Variants in AMPD1 observed in about 807,000 individuals in gnomAD.
AMPD1 encodes AMP deaminase 1.
A neutral mutation model predicts 82.9 loss-of-function variants in AMPD1; 74 were observed. That is an observed-to-expected ratio of 0.89 (90% CI 0.74 to 1.08). AMPD1 has a LOEUF of 1.08. AMPD1 is among the 50% of genes least tolerant of loss of function. The pLI is 0.00. For synonymous variants in AMPD1, 333 were observed against 320.5 expected (o/e 1.04, Z -0.42); for missense variants, 881 against 924.5 (o/e 0.95, Z 0.61).
At position 114,686,791 on chromosome 1, in the gene AMPD1, A is replaced by G; in HGVS notation, c.335T>C (p.Val112Ala). 6.2e-7 allele frequency: 1 copy of G among 1,614,156 alleles called. No individual in the cohort carries two copies. The highest frequency in any genetic ancestry group is 8.5e-7 in the Non-Finnish European group (1 of 1,179,994). ...YISSSPTYQTVPDFQRVQITG... is the reference protein window; with the variant it reads ...YISSSPTYQTAPDFQRVQITG... Reference sequence around the variant, plus strand: ...AATCTGCACTCTCTGAAAATCAGGCACGGTCTGGTAGGTTGGAGATGAGGA... The same window carrying G: ...AATCTGCACTCTCTGAAAATCAGGCGCGGTCTGGTAGGTTGGAGATGAGGA... Residue 112 changes from valine to alanine, a missense_variant, in exon 4 of 16, where the codon GTG (valine) becomes GCG (alanine). Around this residue, in one of 2 missense-constraint regions of AMPD1, gnomAD observed 783 missense variants for 786.4 expected, o/e 1.00. Coordinates refer to ENST00000520113, the MANE Select transcript of AMPD1 (RefSeq NM_000036.3).
Position 114,686,958 on chromosome 1 carries a change from G to A in AMPD1, c.216-48C>T, listed in dbSNP as rs139585917. 2.4e-4 allele frequency: 376 copies of A among 1,577,216 alleles called. No homozygotes were observed. The African/African-American group carries it at 3.5e-3, about 15-fold the overall frequency. On this transcript the variant is annotated intron_variant, in intron 3 of 15. Transcript: ENST00000520113. ...AGAGTTAATTTTGTCTTCATCAGGC[G>A]TTTCATTGTGATAGATAGATGTTTC...
At chr1:114,682,703 G>T (rs558973459) in intron 5 of AMPD1, among the ~76,000 whole-genome samples, 3 of 151,520 alleles carry the variant, frequency 2.0e-5, no homozygotes, top group Non-Finnish European at 2.9e-5. Flanking sequence ...CTCAGCCTCC[G>T]GAGTAGCTGG....
rs569520455 is a variant in AMPD1 at position 114,680,300 on chromosome 1, G to T, written c.726C>A (p.Asp242Glu). 1.9e-6 allele frequency: 3 copies of T among 1,614,076 alleles called. No individual in the cohort carries two copies. The highest frequency in any genetic ancestry group is 1.3e-5 in the African/African-American group (1 of 75,014). The change falls in exon 6 of 16, where the codon GAC becomes GAA. Residue 242 changes from aspartate (D) to glutamate (E), a missense_variant. Asp to Glu is a conservative substitution (Grantham distance 45). This residue lies in a region of AMPD1 where 783 missense variants were observed against 786.4 expected (regional missense o/e 1.00). Transcript: ENST00000520113. ...TTAAAGCAAGTAAAAAATTCATATC[G>T]TCTAAGAAGGTGTCCAGATTTGGGT... is the stretch of plus-strand genomic sequence containing the variant. The part of the protein sequence containing the change: ...LPYPNLDTFL[D>E]DMNFLLALIA...
At chr1:114,678,197 A>G in intron 8 of AMPD1, 136 bp downstream of exon 8, 12 of 1,462,548 alleles carry the variant, frequency 8.2e-6, no homozygotes, top group Non-Finnish European at 1.1e-5. Flanking sequence ...GCAAACTTCA[A>G]AATTGTCTGT....
intron 10 of AMPD1, 158 bp from the exon 11 acceptor site, chr1:114,676,161 T>G (rs1282062042): frequency 1.1e-6 from 1 of 877,400 alleles, no homozygotes; most frequent in South Asian, 1.6e-5. Context: ...TGGTCCCCTA[T>G]AGAGAGGGAT....
At position 114,674,847 on chromosome 1, in the gene AMPD1, A is replaced by G. The variant is rs1474769492; in HGVS notation, c.1705T>C (p.Phe569Leu). 3 of 1,614,138 alleles carry G rather than the reference A, an allele frequency of 1.9e-6. No homozygotes were observed. Among genetic ancestry groups the G allele is most frequent in the Non-Finnish European group, 2.5e-6 (3 of 1,179,994 alleles). The change falls in exon 13 of 16, where the codon TTC becomes CTC. Residue 569 changes from phenylalanine to leucine, a missense_variant. Coordinates refer to ENST00000520113, the MANE Select transcript of AMPD1 (RefSeq NM_000036.3). The stretch of plus-strand genomic sequence containing the variant: ...CCAGCTTCTCCACAGTGAGGTCGGA[A>G]CAGAAACGTATTCATGCCTCGTTCC... ...RKERGMNTFL[F>L]RPHCGEAGAL...
chr1:114,684,474 T>C, intron 4 of AMPD1, 110 bp from the exon 5 acceptor site: 8 of 1,147,342 alleles, frequency 7.0e-6, no homozygotes, highest in Non-Finnish European at 8.9e-6. Flanking sequence ...CGCAGCCCAT[T>C]CTGAGACTCA....
chr1:114,678,605 C>T (rs763666390), intron 7 of AMPD1, 78 bp from the exon 8 acceptor site: 32 of 1,318,692 alleles, frequency 2.4e-5, no homozygotes, highest in Non-Finnish European at 3.2e-5. Context: ...TATGGTGCTG[C>T]AAATCCCACT....
rs74859180 is a variant in AMPD1 at position 114,677,108 on chromosome 1, G to A, written c.1388+243C>T. Among the ~76,000 whole-genome samples, 10,737 of 151,916 alleles carry A rather than the reference G, an allele frequency of 0.071. 430 individuals are homozygous for A. The highest frequency in any genetic ancestry group is 0.099 in the Middle Eastern group (29 of 294). ...TATCTTAGTTTTAATCATTCTCAGT[G>A]AGTTATTTATGATCTTCATAAAGCT... On this transcript the variant is annotated intron_variant, in intron 10 of 15. Coordinates refer to ENST00000520113, the MANE Select transcript of AMPD1 (RefSeq NM_000036.3).
chr1:114,684,107 TG>T, intron 5 of AMPD1, 91 bp downstream of exon 5: 1 of 1,340,374 alleles, frequency 7.5e-7, no homozygotes, highest in Non-Finnish European at 1.0e-6. Flanking sequence ...ATTTTTAGAC[TG>T]GATTACTTAT....
At chr1:114,673,464 C>T (rs775434444) in intron 15 of AMPD1, among the ~76,000 whole-genome samples, 175 bp downstream of exon 15, 3 of 152,194 alleles carry the variant, frequency 2.0e-5, no homozygotes, top group Non-Finnish European at 2.9e-5. Flanking sequence ...TATTTTACTT[C>T]CCTGGCCCAA....
At chr1:114,680,967 CA>C (rs952184704) in intron 5 of AMPD1, among the ~76,000 whole-genome samples, 1 of 150,274 alleles carries the variant, frequency 6.7e-6, no homozygotes, top group Non-Finnish European at 1.5e-5. Context: ...GACCCTGTCT[CA>C]AAAAAAAGAA....
At chr1:114,679,749 C>T (rs1658101512) in intron 6 of AMPD1, 41 bp from the exon 7 acceptor site, 2 of 1,611,370 alleles carry the variant, frequency 1.2e-6, no homozygotes, top group Admixed American at 1.7e-5. Context: ...AAGTTTCAGG[C>T]ATTCAAGAAA....
chr1:114,679,535 T>C lies in AMPD1; in HGVS notation c.897+44A>G, dbSNP rs748489138. The C allele has an allele frequency of 2.5e-6, 4 of 1,610,772 alleles. No homozygotes were observed. In the East Asian group the frequency reaches 8.9e-5, roughly 36 times the overall value. ...TTGTGCTTCTCAATAAATAATTGAA[T>C]TGTTTTTGCCCAGGAATTACCCCTG... On this transcript the variant is annotated intron_variant, in intron 7 of 15. Coordinates refer to ENST00000520113, the MANE Select transcript of AMPD1 (RefSeq NM_000036.3).
At chr1:114,675,714 T>G in intron 11 of AMPD1, 21 bp from the exon 12 acceptor site, 1 of 1,614,074 alleles carries the variant, frequency 6.2e-7, no homozygotes, top group South Asian at 1.1e-5. Flanking sequence ...AAGTGAGCCA[T>G]GCAATGGGTT....
intron 7 of AMPD1, 92 bp from the exon 8 acceptor site, chr1:114,678,619 T>A: frequency 8.4e-7 from 1 of 1,192,274 alleles, no homozygotes; most frequent in South Asian, 1.2e-5. Flanking sequence ...TCCCACTGCG[T>A]TGGGACAAAG....
intron 2 of AMPD1, among the ~76,000 whole-genome samples, chr1:114,692,207 G>GA (rs1019556116): frequency 8.9e-4 from 135 of 152,282 alleles, no homozygotes; most frequent in African/African-American, 3.0e-3. Flanking sequence ...AACAGGTCCA[G>GA]AAAAACATGC....
intron 2 of AMPD1, among the ~76,000 whole-genome samples, chr1:114,691,837 A>G (rs1658525658): frequency 6.6e-6 from 1 of 152,074 alleles, no homozygotes; most frequent in African/African-American, 2.4e-5. Flanking sequence ...AGGCAGGAGA[A>G]TTGCTTGAAC....
intron 3 of AMPD1, 72 bp downstream of exon 3, chr1:114,688,489 G>T: frequency 1.3e-6 from 2 of 1,528,534 alleles, no homozygotes; most frequent in Admixed American, 1.7e-5. Context: ...TGGATAAATT[G>T]AACCATATCT....
Sources: gnomAD v4.1 joint callset for allele counts (sites outside exome capture counted in the v4.1 genomes callset) on GRCh38, gnomAD v4.1.1 for gene constraint, gnomAD v4.1.1 regional missense constraint, MANE v1.5 for transcripts, NCBI Gene and HGNC (gene_info 2026-07-23, HGNC 2026-07-21) for gene names.